The following MRC1 variants were observed in gnomAD, a reference collection of about 807,000 sequenced individuals.
The protein encoded by MRC1 is macrophage mannose receptor 1.
MRC1 carries 62 observed loss-of-function variants against 102.9 expected under a neutral mutation model. The ratio of observed to expected loss-of-function variants is 0.60; its 90% CI spans 0.49 to 0.74. The LOEUF (loss-of-function observed/expected upper bound fraction) is 0.74, where lower values mean the gene tolerates loss of function less well. MRC1 is among the 30% of genes least tolerant of loss of function. The pLI is 0.00. For synonymous variants in MRC1, 457 were observed against 298.4 expected (o/e 1.53, Z -5.48); for missense variants, 1,237 against 862.8 (o/e 1.43, Z -5.43).
chr10:17,891,557 C>T (rs1203773736), intron 22 of MRC1, among the ~76,000 whole-genome samples: 1 of 152,214 alleles, frequency 6.6e-6, no homozygotes, highest in Non-Finnish European at 1.5e-5. Context: ...AAACCACCCT[C>T]CACCCCAGTC....
intron 15 of MRC1, 148 bp downstream of exon 15, chr10:17,872,274 A>T (rs1833364855): frequency 5.3e-6 from 4 of 749,236 alleles, no homozygotes; most frequent in Non-Finnish European, 9.8e-6. Context: ...ATAAGCATGA[A>T]GTTGATAAGC....
intron 22 of MRC1, among the ~76,000 whole-genome samples, chr10:17,891,439 T>G (rs1400031337): frequency 6.6e-6 from 1 of 152,154 alleles, no homozygotes; most frequent in East Asian, 1.9e-4. Flanking sequence ...GTGCTGGGAT[T>G]ACAGGCGTGA....
chr10:17,825,102 A>G (rs1838453739), intron 2 of MRC1, among the ~76,000 whole-genome samples: 1 of 152,100 alleles, frequency 6.6e-6, no homozygotes, highest in Non-Finnish European at 1.5e-5. Flanking sequence ...AGCACTTAAG[A>G]TGATCCTGCT....
intron 3 of MRC1, among the ~76,000 whole-genome samples, chr10:17,831,276 C>G (rs1469646072): frequency 6.6e-6 from 1 of 151,124 alleles, no homozygotes; most frequent in East Asian, 1.9e-4. Flanking sequence ...AAATATACCC[C>G]AAATTAGTCT....
intron 4 of MRC1, among the ~76,000 whole-genome samples, chr10:17,836,876 G>T (rs1192364931): frequency 1.3e-5 from 2 of 151,882 alleles, no homozygotes; most frequent in Admixed American, 6.6e-5. Context: ...AAAAAGGAAA[G>T]AAAATATATC....
intron 16 of MRC1, 21 bp from the exon 17 acceptor site, chr10:17,875,069 C>T: frequency 1.3e-6 from 1 of 780,742 alleles, no homozygotes; most frequent in Non-Finnish European, 2.4e-6. Flanking sequence ...AACTCATTGC[C>T]TTTTCTCATT....
intron 1 of MRC1, among the ~76,000 whole-genome samples, chr10:17,810,629 A>G (rs1838207311): frequency 6.6e-6 from 1 of 152,296 alleles, no homozygotes; most frequent in African/African-American, 2.4e-5. Flanking sequence ...AAAGAATAAT[A>G]TTACCTGCCC....
intron 21 of MRC1, among the ~76,000 whole-genome samples, chr10:17,881,520 A>G (rs1833517162): frequency 1.3e-5 from 2 of 152,110 alleles, no homozygotes; most frequent in African/African-American, 4.8e-5. Flanking sequence ...CTACCAAATC[A>G]GTTTGCTCCC....
chr10:17,857,874 C>T (rs1833119101), intron 9 of MRC1, among the ~76,000 whole-genome samples: 1 of 152,062 alleles, frequency 6.6e-6, no homozygotes, highest in Non-Finnish European at 1.5e-5. Context: ...TGTGGGAAAC[C>T]CTAAACCAAG....
chr10:17,879,593 C>T, intron 18 of MRC1, 128 bp from the exon 19 acceptor site: 1 of 777,542 alleles, frequency 1.3e-6, no homozygotes, highest in Non-Finnish European at 2.4e-6. Context: ...GAACTCCTGG[C>T]CTCAGGTGAT....
At chr10:17,870,441 T>C in intron 13 of MRC1, 68 bp downstream of exon 13, 1 of 779,022 alleles carries the variant, frequency 1.3e-6, no homozygotes. Flanking sequence ...TGAGAAAATT[T>C]GTCTGTTTCT....
At chr10:17,852,908 C>A (rs1375908601) in intron 7 of MRC1, 59 bp from the exon 8 acceptor site, 1 of 779,932 alleles carries the variant, frequency 1.3e-6, no homozygotes, top group Non-Finnish European at 2.4e-6. Flanking sequence ...GTTCCTTTTA[C>A]CCCCCGACCT....
chr10:17,875,036 G>A lies in MRC1; in HGVS notation c.2387-54G>A. 4 of 780,638 alleles carry A rather than the reference G, an allele frequency of 5.1e-6. No individual in the cohort carries two copies. The South Asian group carries it at 5.4e-5, about 10-fold the overall frequency. The allele number at this position is 780,638 out of a possible 1,614,324, so 48.4% of individuals were successfully genotyped here. A position where few individuals can be genotyped will look rare whatever the true frequency, so the allele number is the denominator to read the frequency against. The stretch of plus-strand genomic sequence containing the variant: ...TCACCTTTGTGTGCTGTACACACCA[G>A]ATTCTTGAATTTGTCTGCATAAAAC... On this transcript the variant is annotated intron_variant, in intron 16 of 29. Coordinates refer to ENST00000569591, the MANE Select transcript of MRC1 (RefSeq NM_002438.4).
At chr10:17,824,929 G>A (rs1344079176) in intron 2 of MRC1, among the ~76,000 whole-genome samples, 1 of 152,052 alleles carries the variant, frequency 6.6e-6, no homozygotes, top group Non-Finnish European at 1.5e-5. Context: ...CACTTGGAAA[G>A]TTTGTTAAAA....
intron 12 of MRC1, among the ~76,000 whole-genome samples, chr10:17,869,950 C>T (rs908191973): frequency 2.6e-5 from 4 of 152,280 alleles, no homozygotes; most frequent in African/African-American, 4.8e-5. Context: ...TTGTCTTCCA[C>T]GAAGAGCTGT....
At position 17,863,609 on chromosome 10, in the gene MRC1, A is replaced by G; in HGVS notation, c.1710A>G (p.Ile570Met). The G allele has an allele frequency of 1.3e-6, 1 of 780,900 alleles. No homozygotes were observed. Among genetic ancestry groups the G allele is most frequent in the South Asian group, 1.3e-5 (1 of 74,618 alleles). The allele number at this position is 780,900 out of a possible 1,614,324, so 48.4% of individuals were successfully genotyped here. ...ATTTCTGGACAGGACTTTCAGATAT[A>G]CAAACCAAAGGGACTTTTCAGTGGA... ...EKYFWTGLSD[I>M]QTKGTFQWTI... Residue 570 changes from isoleucine (I) to methionine (M), a missense_variant, in exon 11 of 30, where the codon ATA (isoleucine) becomes ATG (methionine). Physicochemically the swap from Ile to Met is conservative, Grantham distance 10. Transcript: ENST00000569591.
intron 23 of MRC1, 70 bp downstream of exon 23, chr10:17,894,382 CTTTCTTTCTTTCTTTT>C: frequency 3.2e-6 from 2 of 626,382 alleles, no homozygotes; most frequent in African/African-American, 5.0e-5. Flanking sequence ...TTCTTTCTTT[CTTTCTTTCTTTCTTTT>C]TTTTTTTTTT....
intron 7 of MRC1, among the ~76,000 whole-genome samples, chr10:17,852,108 A>G (rs918391241): frequency 2.2e-4 from 33 of 152,328 alleles, no homozygotes; most frequent in African/African-American, 7.7e-4. Flanking sequence ...TTTAGCCATG[A>G]CATCTTAAAC....
At chr10:17,859,734 C>CTACT (rs1187915515) in intron 9 of MRC1, among the ~76,000 whole-genome samples, 9 of 152,174 alleles carry the variant, frequency 5.9e-5, no homozygotes, top group African/African-American at 2.2e-4. Context: ...GTTTTGCATT[C>CTACT]TACTTCTTGG....
Sources: gnomAD v4.1 joint callset for allele counts (sites outside exome capture counted in the v4.1 genomes callset) on GRCh38, gnomAD v4.1.1 for gene constraint, MANE v1.5 for transcripts, NCBI Gene and HGNC (gene_info 2026-07-23, HGNC 2026-07-21) for gene names.